Variants in MCF2L2 observed in about 807,000 individuals in gnomAD.
MCF2L2 encodes the protein probable guanine nucleotide exchange factor MCF2L2.
Under a neutral mutation model 150.2 loss-of-function variants are expected in MCF2L2, and 102 were observed. The observed-to-expected ratio is 0.68, with a 90% CI of 0.58 to 0.80. MCF2L2 has a LOEUF of 0.80. Ranked by LOEUF, MCF2L2 falls within the 30% of genes least tolerant of loss-of-function variation. The pLI is 0.00. For missense variants in MCF2L2, 1,256 were observed against 1,372.8 expected, an observed-to-expected ratio of 0.91 and a Z score of 1.34; for synonymous variants, 465 against 491.3, an observed-to-expected ratio of 0.95 and a Z score of 0.71.
chr3:183,265,559 G>C (rs1031517117), intron 15 of MCF2L2: 2 of 152,280 alleles, frequency 1.3e-5, no homozygotes, highest in Admixed American at 6.5e-5. Context: ...GGAGCTGGGC[G>C]CAACAGTGTT....
chr3:183,210,935 T>G (rs903950), intron 22 of MCF2L2, among the ~76,000 whole-genome samples: 49,497 of 151,600 alleles, frequency 0.33, 8,385 homozygotes, highest in Middle Eastern at 0.42. Context: ...TGTGCCAGGG[T>G]TGGGGGTTGG....
intron 15 of MCF2L2, among the ~76,000 whole-genome samples, chr3:183,234,129 A>AT (rs796824460): frequency 1.1e-4 from 16 of 152,284 alleles, no homozygotes; most frequent in African/African-American, 3.9e-4. Flanking sequence ...CAATACCAAT[A>AT]TGTTTCTACG....
intron 7 of MCF2L2, among the ~76,000 whole-genome samples, chr3:183,315,190 C>T (rs371356647): frequency 4.0e-5 from 6 of 151,142 alleles, no homozygotes; most frequent in Non-Finnish European, 5.9e-5. Context: ...ACCCCCGCCT[C>T]GGCCTCCCAA....
chr3:183,418,334 A>G (rs1455131347), intron 1 of MCF2L2, among the ~76,000 whole-genome samples: 1 of 152,230 alleles, frequency 6.6e-6, no homozygotes, highest in East Asian at 1.9e-4. Context: ...ATTCAAGATG[A>G]GATTTGGATA....
At chr3:183,425,306 T>A (rs913267052) in intron 1 of MCF2L2, among the ~76,000 whole-genome samples, 3 of 152,158 alleles carry the variant, frequency 2.0e-5, no homozygotes, top group African/African-American at 7.2e-5. Context: ...AAACCCCTGC[T>A]GGAGGAGAAA....
intron 1 of MCF2L2, among the ~76,000 whole-genome samples, chr3:183,418,972 T>C (rs2108630858): frequency 6.6e-6 from 1 of 152,348 alleles, no homozygotes; most frequent in East Asian, 1.9e-4. Context: ...CACACTGCCC[T>C]AGCAGAGATT....
chr3:183,415,943 T>G (rs959731220), intron 1 of MCF2L2, among the ~76,000 whole-genome samples: 1 of 152,164 alleles, frequency 6.6e-6, no homozygotes, highest in African/African-American at 2.4e-5. Context: ...ATCTCATATT[T>G]TTTCATTTAC....
intron 5 of MCF2L2, among the ~76,000 whole-genome samples, chr3:183,338,447 CAAAA>C (rs58920831): frequency 1.9e-5 from 2 of 104,704 alleles, no homozygotes; most frequent in Non-Finnish European, 3.9e-5. Context: ...AACTCTATCT[CAAAA>C]AAAAAAAAAA....
At chr3:183,403,006 T>C (rs1045693034) in intron 1 of MCF2L2, among the ~76,000 whole-genome samples, 1 of 151,806 alleles carries the variant, frequency 6.6e-6, no homozygotes, top group Admixed American at 6.6e-5. Flanking sequence ...CGAGGCCAGG[T>C]GCAGTGGCTC....
chr3:183,296,843 G>T, intron 12 of MCF2L2, 133 bp downstream of exon 12: 1 of 952,238 alleles, frequency 1.1e-6, no homozygotes, highest in Non-Finnish European at 1.5e-6. Context: ...CCGCCGGAGG[G>T]CTTCGGAACC....
At chr3:183,273,601 A>G (rs1300012721) in intron 15 of MCF2L2, among the ~76,000 whole-genome samples, 2 of 152,208 alleles carry the variant, frequency 1.3e-5, no homozygotes, top group East Asian at 3.8e-4. Context: ...CCACAAAATG[A>G]CGTTTCGGTT....
At chr3:183,265,345 T>A (rs535685394) in intron 15 of MCF2L2, 8 of 152,458 alleles carry the variant, frequency 5.2e-5, no homozygotes, top group African/African-American at 1.7e-4. Context: ...GAGCTGCGCA[T>A]TCGGCATTGG....
intron 14 of MCF2L2, among the ~76,000 whole-genome samples, chr3:183,282,649 A>C (rs116731337): frequency 0.019 from 2,932 of 152,340 alleles, 57 homozygotes; most frequent in East Asian, 0.05. Flanking sequence ...TACATCTTTG[A>C]ATCTTCTCAG....
At chr3:183,388,750 G>A (rs1311299881) in intron 2 of MCF2L2, among the ~76,000 whole-genome samples, 1 of 152,212 alleles carries the variant, frequency 6.6e-6, no homozygotes, top group Non-Finnish European at 1.5e-5. Flanking sequence ...AGGAGGCAAT[G>A]CTGGGGTGGG....
intron 3 of MCF2L2, among the ~76,000 whole-genome samples, chr3:183,366,816 G>A (rs1306314849): frequency 2.6e-5 from 4 of 152,172 alleles, no homozygotes; most frequent in East Asian, 1.9e-4. Flanking sequence ...TGAATTATAA[G>A]AGCAGACCAG....
At chr3:183,420,858 T>C (rs896534988) in intron 1 of MCF2L2, among the ~76,000 whole-genome samples, 4 of 152,156 alleles carry the variant, frequency 2.6e-5, no homozygotes, top group African/African-American at 9.7e-5. Context: ...ACCACTCCCA[T>C]TATCCAATCA....
In MCF2L2 at chr3:183,283,008, G is replaced by C. The variant is rs1727588174; in HGVS notation, c.1777-6051C>G. Among the ~76,000 whole-genome samples the C allele has an allele frequency of 6.6e-6, 1 of 152,142 alleles. No homozygotes were observed. The highest frequency in any genetic ancestry group is 1.5e-5 in the Non-Finnish European group (1 of 68,030). On this transcript the variant is annotated intron_variant, in intron 14 of 29. Coordinates refer to ENST00000328913, the MANE Select transcript of MCF2L2 (RefSeq NM_015078.4). This position sits in a 1 kb window ranked among gnomAD's most constrained non-coding sequence, Gnocchi z 4.2. ...CCTTTACTTCTTATGTTCTTCCTAA[G>C]TACTTTATCGGGCCAACAAATTCAT...
chr3:183,348,387 C>T (rs9856126), intron 3 of MCF2L2, among the ~76,000 whole-genome samples: 15,821 of 146,804 alleles, frequency 0.11, 2,393 homozygotes, highest in African/African-American at 0.34. Flanking sequence ...GAACATCACA[C>T]ACCAGGACCT....
rs1189031331 is a variant in MCF2L2, at chr3:183,267,319, C to T, written c.1862+9553G>A. 6.6e-6 allele frequency among the ~76,000 whole-genome samples: 1 copy of T among 152,222 alleles called. No homozygotes were observed. Among genetic ancestry groups the T allele is most frequent in the Non-Finnish European group, 1.5e-5 (1 of 68,038 alleles). The stretch of plus-strand genomic sequence containing the variant: ...TATACTGATTATCTCTGGACAAAGT[C>T]TGAATGGGGCTTGGCTCTAATCTCT... On this transcript the variant is annotated intron_variant, in intron 15 of 29. Coordinates refer to ENST00000328913, the MANE Select transcript of MCF2L2 (RefSeq NM_015078.4). This position sits in a 1 kb window ranked among gnomAD's most constrained non-coding sequence, Gnocchi z 5.5.
Sources: allele counts gnomAD v4.1 joint callset (sites outside exome capture counted in the v4.1 genomes callset), GRCh38; gene constraint gnomAD v4.1.1; non-coding constraint Gnocchi (gnomAD v3.1); transcripts MANE v1.5; gene names NCBI Gene and HGNC (gene_info 2026-07-23, HGNC 2026-07-21).